CD244: variants seen among roughly 807,000 people sequenced by gnomAD.
CD244 encodes the protein CD244 molecule, also known as natural killer cell receptor 2B4.
CD244 carries 20 observed loss-of-function variants against 45.5 expected under a neutral mutation model. The ratio of observed to expected loss-of-function variants is 0.44; its 90% CI spans 0.31 to 0.64. The LOEUF (loss-of-function observed/expected upper bound fraction) is 0.64, where lower values mean the gene tolerates loss of function less well. CD244 is among the 30% of genes least tolerant of loss of function. CD244 has a pLI of 0.08. For missense variants in CD244, 407 were observed against 426.9 expected, an observed-to-expected ratio of 0.95 and a Z score of 0.41; for synonymous variants, 185 against 160.5, an observed-to-expected ratio of 1.15 and a Z score of -1.15.
At chr1:160,857,447 T>C (rs903381200) in intron 1 of CD244, among the ~76,000 whole-genome samples, 1 of 152,232 alleles carries the variant, frequency 6.6e-6, no homozygotes, top group Non-Finnish European at 1.5e-5. Flanking sequence ...GATAAAATAC[T>C]ATACAGCCAT....
At position 160,861,710 on chromosome 1, in the gene CD244, G is replaced by A. The variant is rs73024002; in HGVS notation, c.61+907C>T. ...AAATTAGCCAAGCATGGTGGCGCACGTCTGTAATTTCACCTACTCGGGAGG... is the reference window on the plus strand; with the variant it reads ...AAATTAGCCAAGCATGGTGGCGCACATCTGTAATTTCACCTACTCGGGAGG... On this transcript the variant is annotated intron_variant, in intron 1 of 8. Coordinates refer to ENST00000368034, the MANE Select transcript of CD244 (RefSeq NM_016382.4). Among the ~76,000 whole-genome samples the A allele has an allele frequency of 9.9e-3, 1,501 of 152,122 alleles. 24 individuals carry two copies. Among genetic ancestry groups the A allele is most frequent in the African/African-American group, 0.035 (1,448 of 41,472 alleles).
intron 1 of CD244, among the ~76,000 whole-genome samples, chr1:160,845,151 T>C (rs1215032182): frequency 2.0e-5 from 3 of 152,074 alleles, no homozygotes; most frequent in Non-Finnish European, 4.4e-5. Context: ...AACTACTGGA[T>C]TTTGGAGTAG....
At chr1:160,838,300 C>T in intron 5 of CD244, 151 bp downstream of exon 5, 3 of 701,278 alleles carry the variant, frequency 4.3e-6, no homozygotes, top group Non-Finnish European at 7.8e-6. Context: ...AACTAGGAAG[C>T]AGGTGGAGAA....
Position 160,838,497 on chromosome 1 carries a change from A to G in CD244, c.788T>C (p.Leu263Ser). The change falls in exon 5 of 9, where the codon TTG (leucine) becomes TCG (serine). Residue 263 changes from leucine (L) to serine (S), a missense_variant. Physicochemically the swap from Leu to Ser is moderately radical, Grantham distance 145 (BLOSUM62 -2). Coordinates refer to ENST00000368034, the MANE Select transcript of CD244 (RefSeq NM_016382.4). ...KQSETSPKEF[L>S]TIYEDVKDLK... Reference sequence around the variant, plus strand: ...ATCCTTGACATCTTCGTAAATTGTCAAAAATTCCTTGGGACTGGTCTCTGA... The same window carrying G: ...ATCCTTGACATCTTCGTAAATTGTCGAAAATTCCTTGGGACTGGTCTCTGA... 1.2e-6 allele frequency: 2 copies of G among 1,613,476 alleles called. No homozygotes were observed. The highest frequency in any genetic ancestry group is 2.2e-5 in the South Asian group (2 of 91,058).
chr1:160,854,270 T>G (rs1191620440), intron 1 of CD244, among the ~76,000 whole-genome samples: 1 of 152,206 alleles, frequency 6.6e-6, no homozygotes, highest in Non-Finnish European at 1.5e-5. Flanking sequence ...TCCCATATAA[T>G]CCACCAGTAG....
At chr1:160,831,589 G>A (rs569301929) in intron 8 of CD244, among the ~76,000 whole-genome samples, 162 bp from the exon 9 acceptor site, 1 of 152,272 alleles carries the variant, frequency 6.6e-6, no homozygotes, top group South Asian at 2.1e-4. Flanking sequence ...AGTGCAGGAG[G>A]GACTTGAATC....
In CD244 at chr1:160,841,824, TC is replaced by T. The variant is rs1161219356; in HGVS notation, c.138del (p.Lys47ArgfsTer21). ...PLQLQPNSIQTKVDSIAWKKL... is the reference protein window; with the variant it reads ...PLQLQPNSIQXKVDSIAWKKL... The stretch of plus-strand genomic sequence containing the variant: ...TTCTTCCATGCAATGCTGTCAACCT[TC>T]GTCTGTATGCTGTTTGGTTGTAACT... On this transcript the variant is annotated frameshift_variant, in exon 2 of 9. Coordinates refer to ENST00000368034, the MANE Select transcript of CD244 (RefSeq NM_016382.4). LOFTEE classifies it high-confidence loss of function. 1 of 1,614,004 alleles carries T rather than the reference TC, an allele frequency of 6.2e-7. No individual in the cohort carries two copies. Among genetic ancestry groups the T allele is most frequent in the Non-Finnish European group, 8.5e-7 (1 of 1,180,024 alleles).
At chr1:160,860,481 G>A (rs1670259255) in intron 1 of CD244, among the ~76,000 whole-genome samples, 1 of 151,902 alleles carries the variant, frequency 6.6e-6, no homozygotes, top group African/African-American at 2.4e-5. Context: ...TGGGACAATT[G>A]GTAATATGTG....
chr1:160,838,007 T>C (rs1395892780), intron 5 of CD244, among the ~76,000 whole-genome samples: 2 of 152,206 alleles, frequency 1.3e-5, no homozygotes, highest in African/African-American at 4.8e-5. Flanking sequence ...TCCAAAAGGC[T>C]GTGAATGCAG....
At chr1:160,835,696 T>C (rs1669309062) in intron 6 of CD244, among the ~76,000 whole-genome samples, 1 of 151,738 alleles carries the variant, frequency 6.6e-6, no homozygotes, top group Admixed American at 6.6e-5. Flanking sequence ...AAAAAACCTA[T>C]GGAAATAAAA....
rs1278266144 is a variant in CD244, at chr1:160,836,152, C to A, written c.894+43G>T. On this transcript the variant is annotated intron_variant, in intron 6 of 8. Coordinates refer to ENST00000368034, the MANE Select transcript of CD244 (RefSeq NM_016382.4). ...AGTTTCAGGGGGGCATTAGGAAACC[C>A]CAGAGATAGGTATGGAATGGACTAG... 6 of 1,483,616 alleles carry A rather than the reference C, an allele frequency of 4.0e-6. No individual in the cohort carries two copies. In the East Asian group the frequency reaches 1.1e-4, roughly 28 times the overall value. 91.9% of individuals were successfully genotyped at this position (1,483,616 alleles called of 1,614,324 possible). A position where few individuals can be genotyped will look rare whatever the true frequency, so the allele number is the denominator to read the frequency against.
At chr1:160,844,630 A>G (rs539771) in intron 1 of CD244, among the ~76,000 whole-genome samples, 1 of 152,162 alleles carries the variant, frequency 6.6e-6, no homozygotes, top group East Asian at 1.9e-4. Flanking sequence ...GCTGGAGAAT[A>G]AGATATCACA....
chr1:160,848,382 A>G, intron 1 of CD244: 1 of 565,126 alleles, frequency 1.8e-6, no homozygotes, highest in Non-Finnish European at 3.5e-6. Flanking sequence ...ATGGATGGCA[A>G]GCGTGTGGTA....
chr1:160,844,630 A>T (rs539771), intron 1 of CD244, among the ~76,000 whole-genome samples: 2 of 152,162 alleles, frequency 1.3e-5, no homozygotes, highest in African/African-American at 4.8e-5. Flanking sequence ...GCTGGAGAAT[A>T]AGATATCACA....
chr1:160,852,882 G>C (rs995182110), intron 1 of CD244, among the ~76,000 whole-genome samples: 2 of 152,034 alleles, frequency 1.3e-5, no homozygotes, highest in African/African-American at 4.8e-5. Context: ...AATTAGCTGG[G>C]CGTGGCAGTG....
At chr1:160,838,703 A>G in intron 4 of CD244, 185 bp from the exon 5 acceptor site, 1 of 619,380 alleles carries the variant, frequency 1.6e-6, no homozygotes. Context: ...CCCCTCCCAC[A>G]CCTCCTCCCA....
At chr1:160,851,818 C>T (rs768413673) in intron 1 of CD244, among the ~76,000 whole-genome samples, 6 of 152,180 alleles carry the variant, frequency 3.9e-5, no homozygotes, top group Non-Finnish European at 8.8e-5. Context: ...GCTGAGATTA[C>T]AGGCATGAGC....
At chr1:160,851,859 A>G (rs186110339) in intron 1 of CD244, among the ~76,000 whole-genome samples, 1 of 151,776 alleles carries the variant, frequency 6.6e-6, no homozygotes, top group East Asian at 1.9e-4. Flanking sequence ...TGTTTCTTTA[A>G]CAGGACACAC....
chr1:160,835,692 C>A (rs1283483540), intron 6 of CD244, among the ~76,000 whole-genome samples: 2 of 151,956 alleles, frequency 1.3e-5, no homozygotes, highest in African/African-American at 2.4e-5. Context: ...CCCAAAAAAA[C>A]CTATGGAAAT....
Sources: gnomAD v4.1 joint callset for allele counts (sites outside exome capture counted in the v4.1 genomes callset) on GRCh38, gnomAD v4.1.1 for gene constraint, MANE v1.5 for transcripts, NCBI Gene and HGNC (gene_info 2026-07-23, HGNC 2026-07-21) for gene names.